Variants in MCF2L observed in about 807,000 individuals in gnomAD.
MCF2L encodes the protein MCF.2 cell line derived transforming sequence like, also known as guanine nucleotide exchange factor DBS.
Under a neutral mutation model 153.4 loss-of-function variants are expected in MCF2L, and 97 were observed. That is an observed-to-expected ratio of 0.63 (90% CI 0.54 to 0.75). The LOEUF is 0.75. MCF2L is among the 30% of genes least tolerant of loss of function. The pLI is 0.00. For synonymous variants in MCF2L, 659 were observed against 632.2 expected (o/e 1.04, Z -0.64); for missense variants, 1,347 against 1,495.2 (o/e 0.90, Z 1.64).
chr13:113,044,990 G>A, intron 3 of MCF2L: 1 of 1,456,902 alleles, frequency 6.9e-7, no homozygotes, highest in South Asian at 1.3e-5. Flanking sequence ...CTGAGCTCGG[G>A]AGAGATGGTT....
intron 2 of MCF2L, among the ~76,000 whole-genome samples, chr13:112,920,546 G>T (rs1319429469): frequency 6.6e-6 from 1 of 152,132 alleles, no homozygotes; most frequent in Non-Finnish European, 1.5e-5. Flanking sequence ...CAGAACGCAG[G>T]ACAGGATGGC....
rs1281913737 is a variant in MCF2L, at chr13:112,989,022, G to C, written c.79+19564G>C. ...CCGAGTCCTCCCTGAGCAGGACATG[G>C]AGCTACCACGCCCAAGTCCTCCCTG... is the stretch of plus-strand genomic sequence containing the variant. On this transcript the variant is annotated intron_variant, in intron 1 of 29. Coordinates refer to ENST00000535094, the MANE Select transcript of MCF2L (RefSeq NM_001112732.3). Among the ~76,000 whole-genome samples, 22 of 123,930 alleles carry C rather than the reference G, an allele frequency of 1.8e-4. 3 individuals carry two copies. The highest frequency in any genetic ancestry group is 6.5e-4 in the African/African-American group (21 of 32,192). The allele number at this position is 123,930 out of a possible 152,430, so 81.3% of individuals were successfully genotyped here.
At chr13:113,048,025 C>T (rs1041993754) in intron 4 of MCF2L, among the ~76,000 whole-genome samples, 1 of 152,254 alleles carries the variant, frequency 6.6e-6, no homozygotes, top group Non-Finnish European at 1.5e-5. Context: ...TCCCCAGATA[C>T]GAGGTTACTT....
At chr13:113,082,769 T>C (rs1420428256) in intron 17 of MCF2L, among the ~76,000 whole-genome samples, 1 of 152,070 alleles carries the variant, frequency 6.6e-6, no homozygotes, top group Non-Finnish European at 1.5e-5. Flanking sequence ...AGCCAAGTTG[T>C]AAGTGAGCCG....
At chr13:112,976,754 T>C (rs1004199345) in intron 1 of MCF2L, among the ~76,000 whole-genome samples, 4 of 152,002 alleles carry the variant, frequency 2.6e-5, no homozygotes, top group South Asian at 2.1e-4. Context: ...TCAGACACCA[T>C]GGCGGGAAGA....
chr13:113,091,089 G>C lies in MCF2L; in HGVS notation c.2953+1361G>C, dbSNP rs1039891491. ...CCTCCGTCCTTCACACTCTCTCTCC[G>C]GTTGTATTTCTGCCTCCTCCTCCTC... On this transcript the variant is annotated intron_variant, in intron 26 of 29. Coordinates refer to ENST00000535094, the MANE Select transcript of MCF2L (RefSeq NM_001112732.3). 1.4e-5 allele frequency: 18 copies of C among 1,304,172 alleles called. No individual in the cohort carries two copies. The Admixed American group carries it at 1.6e-4, about 12-fold the overall frequency. 80.8% of individuals were successfully genotyped at this position (1,304,172 alleles called of 1,614,324 possible).
chr13:113,018,526 T>TG (rs546348444), intron 2 of MCF2L, among the ~76,000 whole-genome samples: 1 of 152,056 alleles, frequency 6.6e-6, no homozygotes, highest in Non-Finnish European at 1.5e-5. Context: ...GGCTGAGGGT[T>TG]GGGGGGTGCA....
chr13:113,096,205 TGCG>T, intron 27 of MCF2L, 163 bp from the exon 28 acceptor site: 1 of 623,600 alleles, frequency 1.6e-6, no homozygotes. Flanking sequence ...AGTCATGCCC[TGCG>T]GCGTAGCCTC....
intron 2 of MCF2L, among the ~76,000 whole-genome samples, chr13:112,915,447 A>C (rs1226998494): frequency 6.7e-6 from 1 of 149,818 alleles, no homozygotes; most frequent in East Asian, 2.0e-4. Flanking sequence ...TACACGCATC[A>C]GCAGTTGCCA....
At chr13:113,017,372 G>A (rs1291181148) in intron 2 of MCF2L, among the ~76,000 whole-genome samples, 14 of 152,172 alleles carry the variant, frequency 9.2e-5, no homozygotes, top group Non-Finnish European at 1.6e-4. Context: ...TCATGCAGCC[G>A]CCTCACCTGT....
chr13:113,096,564 C>G lies in MCF2L; in HGVS notation c.3203C>G (p.Pro1068Arg). The G allele has an allele frequency of 6.2e-7, 1 of 1,604,682 alleles. No individual in the cohort carries two copies. The highest frequency in any genetic ancestry group is 1.7e-4 in the Middle Eastern group (1 of 6,006). ...GCCCCTTGCAGGTACGTCAGGGACC[C>G]GACCACTGGCAAGGAGGGCTGGGTG... Reference protein sequence around the residue: ...GDEGLWYVRDPTTGKEGWVPA... With the variant: ...GDEGLWYVRDRTTGKEGWVPA... The change falls in exon 29 of 30, where the codon CCG (proline) becomes CGG (arginine). Residue 1068 changes from proline (P) to arginine (R), a missense_variant. Coordinates refer to ENST00000535094, the MANE Select transcript of MCF2L (RefSeq NM_001112732.3).
In MCF2L at chr13:113,096,477, G is replaced by A; in HGVS notation, c.3182G>A (p.Gly1061Asp). The A allele has an allele frequency of 6.3e-7, 1 of 1,588,130 alleles. No individual in the cohort carries two copies. The highest frequency in any genetic ancestry group is 8.6e-7 in the Non-Finnish European group (1 of 1,168,584). ...VVELVQEGDE[G>D]LWYVRDPTTG... ...GAGCTGGTGCAGGAGGGCGACGAGG[G>A]CCTCTGGTAAGACCCCGCGCTCAGC... Residue 1061 changes from glycine (G) to aspartate (D), a missense_variant, in exon 28 of 30, where the codon GGC (glycine) becomes GAC (aspartate). This residue lies in a region of MCF2L where 383 missense variants were observed against 335.4 expected (regional missense o/e 1.14). Coordinates refer to ENST00000535094, the MANE Select transcript of MCF2L (RefSeq NM_001112732.3).
intron 1 of MCF2L, among the ~76,000 whole-genome samples, chr13:112,999,145 G>A (rs1322016817): frequency 6.6e-6 from 1 of 152,194 alleles, no homozygotes; most frequent in East Asian, 1.9e-4. Context: ...TCCTGAAGAT[G>A]GCCAGGTCCT....
chr13:113,033,345 T>G (rs78203606), intron 3 of MCF2L, among the ~76,000 whole-genome samples: 1,092 of 22,602 alleles, frequency 0.048, 220 homozygotes, highest in East Asian at 0.18. Context: ...CCCGTGACAT[T>G]AGTGGACCCC....
In MCF2L at chr13:113,066,833, G is replaced by A. The variant is rs186082488; in HGVS notation, c.881+663G>A. Reference sequence around the variant, plus strand: ...AGCAGGGCCCGCACAGCTGGACAGCGGCTTGTCCGGCAGGGCCGTGCGGGG... The same window carrying A: ...AGCAGGGCCCGCACAGCTGGACAGCAGCTTGTCCGGCAGGGCCGTGCGGGG... On this transcript the variant is annotated intron_variant, in intron 8 of 29. Coordinates refer to ENST00000535094, the MANE Select transcript of MCF2L (RefSeq NM_001112732.3). Among the ~76,000 whole-genome samples the A allele has an allele frequency of 6.4e-3, 978 of 152,266 alleles. 14 individuals carry two copies. Among genetic ancestry groups the A allele is most frequent in the African/African-American group, 0.022 (918 of 41,542 alleles).
intron 2 of MCF2L, among the ~76,000 whole-genome samples, chr13:112,929,204 C>A (rs556126308): frequency 6.6e-6 from 1 of 152,310 alleles, no homozygotes; most frequent in Admixed American, 6.5e-5. Flanking sequence ...CAGGGACTTA[C>A]CTGATCAGTT....
intron 1 of MCF2L, among the ~76,000 whole-genome samples, chr13:112,899,621 G>C (rs1019455218): frequency 6.6e-6 from 1 of 152,150 alleles, no homozygotes; most frequent in South Asian, 2.1e-4. Flanking sequence ...AGATCCTAGA[G>C]GAAGGAGGAA....
chr13:113,005,437 G>A (rs2083624322), intron 1 of MCF2L, among the ~76,000 whole-genome samples: 1 of 152,182 alleles, frequency 6.6e-6, no homozygotes, highest in East Asian at 1.9e-4. Context: ...GTGGGCCATG[G>A]ACTATTCGTG....
chr13:113,014,623 T>G (rs1347947424), intron 1 of MCF2L, 140 bp from the exon 2 acceptor site: 3 of 626,684 alleles, frequency 4.8e-6, no homozygotes, highest in African/African-American at 1.8e-5. Context: ...TATTGGAAAC[T>G]GAAAAGCCTT....
Sources: gnomAD v4.1 joint callset for allele counts (sites outside exome capture counted in the v4.1 genomes callset) on GRCh38, gnomAD v4.1.1 for gene constraint, gnomAD v4.1.1 regional missense constraint, MANE v1.5 for transcripts, NCBI Gene and HGNC (gene_info 2026-07-23, HGNC 2026-07-21) for gene names.